The following GSG1L variants were observed in gnomAD, a reference collection of about 807,000 sequenced individuals.
The protein encoded by GSG1L is germ cell-specific gene 1-like protein.
GSG1L carries 24 observed loss-of-function variants against 42.1 expected under a neutral mutation model. That is an observed-to-expected ratio of 0.57 (90% CI 0.41 to 0.80). The LOEUF is 0.80. GSG1L is among the 30% of genes least tolerant of loss of function. The pLI is 0.00. For synonymous variants in GSG1L, 215 were observed against 203.5 expected (o/e 1.06, Z -0.48); for missense variants, 445 against 472.2 (o/e 0.94, Z 0.53).
chr16:27,878,725 T>A (rs1359011310), intron 3 of GSG1L, among the ~76,000 whole-genome samples: 3 of 152,162 alleles, frequency 2.0e-5, no homozygotes, highest in Non-Finnish European at 4.4e-5. Flanking sequence ...GCATGAGCCA[T>A]CACACCCAAC....
intron 1 of GSG1L, among the ~76,000 whole-genome samples, chr16:27,979,699 G>A (rs1359856392): frequency 1.5e-5 from 1 of 68,316 alleles, no homozygotes; most frequent in African/African-American, 7.5e-5. Context: ...AGGAAGGAAG[G>A]AAGGAAGGAA....
chr16:27,958,131 C>T lies in GSG1L; in HGVS notation c.397+5025G>A, dbSNP rs574372041. On this transcript the variant is annotated intron_variant, in intron 2 of 6. Coordinates refer to ENST00000447459, the MANE Select transcript of GSG1L (RefSeq NM_001109763.2). The stretch of plus-strand genomic sequence containing the variant: ...AACTATATCAGTCACAGGCCAGGCA[C>T]GGTGGCTCACTCCTGTAATCCCAGC... Among the ~76,000 whole-genome samples, 47 of 152,176 alleles carry T rather than the reference C, an allele frequency of 3.1e-4. 1 individual carries two copies. Among genetic ancestry groups the T allele is most frequent in the East Asian group, 3.9e-4 (2 of 5,172 alleles).
intron 2 of GSG1L, among the ~76,000 whole-genome samples, chr16:27,886,947 CTTTCTTTTTTT>C (rs1367499917): frequency 6.6e-6 from 1 of 151,886 alleles, no homozygotes; most frequent in Non-Finnish European, 1.5e-5. Context: ...TTCTCTCTTT[CTTTCTTTTTTT>C]TTTCTTTTTC....
chr16:27,839,821 G>A (rs563738590), intron 4 of GSG1L, among the ~76,000 whole-genome samples: 7 of 152,132 alleles, frequency 4.6e-5, no homozygotes, highest in Non-Finnish European at 7.3e-5. Context: ...CACAATGGCA[G>A]GCCTAAGAAA....
chr16:28,021,667 A>C (rs2085844724), intron 1 of GSG1L, among the ~76,000 whole-genome samples: 1 of 152,222 alleles, frequency 6.6e-6, no homozygotes, highest in African/African-American at 2.4e-5. Flanking sequence ...AAATCTCTTT[A>C]GAACTCTTCT....
intron 1 of GSG1L, among the ~76,000 whole-genome samples, chr16:28,033,614 C>G (rs1428333018): frequency 6.6e-6 from 1 of 151,758 alleles, no homozygotes; most frequent in African/African-American, 2.4e-5. Flanking sequence ...GGGGAATTCT[C>G]CTAAAGAGGT....
chr16:27,869,063 C>T (rs1028837874), intron 3 of GSG1L, among the ~76,000 whole-genome samples: 2 of 152,218 alleles, frequency 1.3e-5, no homozygotes, highest in East Asian at 3.8e-4. Flanking sequence ...GTGAGTGCGA[C>T]AGCCAGGAGA....
At chr16:27,934,607 C>T (rs1301404779) in intron 2 of GSG1L, among the ~76,000 whole-genome samples, 2 of 150,954 alleles carry the variant, frequency 1.3e-5, no homozygotes, top group South Asian at 2.1e-4. Flanking sequence ...AAGGAGAATA[C>T]GGAAGAGAGA....
At chr16:27,856,214 T>G (rs2083576218) in intron 3 of GSG1L, among the ~76,000 whole-genome samples, 1 of 152,164 alleles carries the variant, frequency 6.6e-6, no homozygotes, top group Non-Finnish European at 1.5e-5. Context: ...TTCCAAACAT[T>G]GGCCAAATAT....
chr16:27,819,189 G>T (rs955143941), intron 5 of GSG1L, among the ~76,000 whole-genome samples: 4 of 151,764 alleles, frequency 2.6e-5, no homozygotes, highest in Non-Finnish European at 4.4e-5. Flanking sequence ...GGCAGAGGTT[G>T]CAGTGAGCCA....
At chr16:27,967,654 G>A (rs1349938510) in intron 1 of GSG1L, among the ~76,000 whole-genome samples, 1 of 152,184 alleles carries the variant, frequency 6.6e-6, no homozygotes, top group African/African-American at 2.4e-5. Flanking sequence ...GGTCAGGCAC[G>A]GTGGCTCATG....
intron 1 of GSG1L, among the ~76,000 whole-genome samples, chr16:28,007,762 C>T (rs1482623277): frequency 3.9e-5 from 6 of 152,134 alleles, no homozygotes; most frequent in Non-Finnish European, 8.8e-5. Context: ...GTGATCCACC[C>T]ACTTCAGCCT....
chr16:27,829,555 A>G (rs923976482), intron 4 of GSG1L, among the ~76,000 whole-genome samples: 4 of 152,138 alleles, frequency 2.6e-5, no homozygotes, highest in Non-Finnish European at 2.9e-5. Context: ...CCTCATGACT[A>G]TTTGTTTTAA....
intron 3 of GSG1L, among the ~76,000 whole-genome samples, chr16:27,846,148 C>T (rs1219567534): frequency 6.6e-6 from 1 of 152,174 alleles, no homozygotes; most frequent in East Asian, 1.9e-4. Context: ...GGTGCACTTC[C>T]TAACTGTTCA....
chr16:27,942,899 C>G (rs989498929), intron 2 of GSG1L, among the ~76,000 whole-genome samples: 11 of 152,158 alleles, frequency 7.2e-5, no homozygotes, highest in Non-Finnish European at 1.6e-4. Flanking sequence ...CCAGGAATTC[C>G]ACATCTGGGT....
intron 1 of GSG1L, among the ~76,000 whole-genome samples, chr16:28,039,069 C>T (rs1418139471): frequency 6.6e-6 from 1 of 152,114 alleles, no homozygotes; most frequent in Admixed American, 6.5e-5. Context: ...CTTTTTCTAA[C>T]CTTAGAAAAG....
intron 3 of GSG1L, among the ~76,000 whole-genome samples, chr16:27,879,797 T>C (rs1299507890): frequency 6.6e-6 from 1 of 151,472 alleles, no homozygotes; most frequent in South Asian, 2.1e-4. Flanking sequence ...TTATTATTTT[T>C]ATTGTATTAT....
intron 1 of GSG1L, among the ~76,000 whole-genome samples, chr16:27,976,964 G>C (rs2085257644): frequency 6.6e-6 from 1 of 152,148 alleles, no homozygotes; most frequent in Non-Finnish European, 1.5e-5. Context: ...GCTACCCTGA[G>C]CGTGGCTTGG....
intron 2 of GSG1L, among the ~76,000 whole-genome samples, chr16:27,908,006 C>T (rs890371745): frequency 6.6e-6 from 1 of 151,970 alleles, no homozygotes; most frequent in African/African-American, 2.4e-5. Flanking sequence ...CAAGCATGGT[C>T]CCAAATTATT....
Sources: allele counts gnomAD v4.1 joint callset (sites outside exome capture counted in the v4.1 genomes callset), GRCh38; gene constraint gnomAD v4.1.1; transcripts MANE v1.5; gene names NCBI Gene and HGNC (gene_info 2026-07-23, HGNC 2026-07-21).